CACNA2D4: variants seen among roughly 807,000 people sequenced by gnomAD.
The protein encoded by CACNA2D4 is voltage-dependent calcium channel subunit alpha-2/delta-4.
In CACNA2D4, 157 loss-of-function variants were observed where a neutral mutation model predicts 163.8. The observed-to-expected ratio is 0.96, with a 90% CI of 0.84 to 1.09. The LOEUF is 1.09. Ranked by LOEUF, CACNA2D4 falls within the 50% of genes least tolerant of loss-of-function variation. The pLI, the probability that CACNA2D4 is intolerant of heterozygous loss-of-function variation, is 0.00. For missense variants in CACNA2D4, 1,410 were observed against 1,479.9 expected, an observed-to-expected ratio of 0.95 and a Z score of 0.78; for synonymous variants, 598 against 586.9, an observed-to-expected ratio of 1.02 and a Z score of -0.27.
intron 26 of CACNA2D4, chr12:1,831,251 C>T: frequency 1.2e-6 from 2 of 1,613,836 alleles, no homozygotes; most frequent in Non-Finnish European, 8.5e-7. Context: ...ATAACAGCAT[C>T]AGGACCCTGG....
chr12:1,831,352 G>A (rs770137250), intron 26 of CACNA2D4: 2 of 1,613,874 alleles, frequency 1.2e-6, no homozygotes, highest in Non-Finnish European at 1.7e-6. Flanking sequence ...CTTTTCGACG[G>A]GCTCCTGGCT....
chr12:1,828,339 C>A lies in CACNA2D4; in HGVS notation c.2551+12400G>T, dbSNP rs1462072074. 7.0e-6 allele frequency: 6 copies of A among 853,704 alleles called. No homozygotes were observed. The highest frequency in any genetic ancestry group is 1.8e-5 in the African/African-American group (1 of 56,880). 52.9% of individuals were successfully genotyped at this position (853,704 alleles called of 1,614,324 possible). A position where few individuals can be genotyped will look rare whatever the true frequency, so the allele number is the denominator to read the frequency against. Reference sequence around the variant, plus strand: ...GCAGGGAGGCCTACGCCAGATCTTCCTGGGGTACCCGAGGCTATGTTCTGG... The same window carrying A: ...GCAGGGAGGCCTACGCCAGATCTTCATGGGGTACCCGAGGCTATGTTCTGG... On this transcript the variant is annotated intron_variant, in intron 26 of 37. Transcript: ENST00000382722. The surrounding 1 kb of genome is among the most constrained non-coding windows in gnomAD (Gnocchi z 4.2).
At position 1,828,396 on chromosome 12, in the gene CACNA2D4, C is replaced by G. The variant is rs1864456950; in HGVS notation, c.2551+12343G>C. ...AGGGTCACGCCCACGGTGACAGCAT[C>G]CCTGCCAGTCAGAGTCACCGCTGAG... On this transcript the variant is annotated intron_variant, in intron 26 of 37. Transcript: ENST00000382722. The surrounding 1 kb of genome is among the most constrained non-coding windows in gnomAD (Gnocchi z 4.2). Among the ~76,000 whole-genome samples the G allele has an allele frequency of 6.6e-6, 1 of 152,216 alleles. No individual in the cohort carries two copies. Among genetic ancestry groups the G allele is most frequent in the African/African-American group, 2.4e-5 (1 of 41,460 alleles).
At chr12:1,809,748 C>T (rs749917760) in intron 29 of CACNA2D4, among the ~76,000 whole-genome samples, 1 of 152,260 alleles carries the variant, frequency 6.6e-6, no homozygotes, top group Non-Finnish European at 1.5e-5. Flanking sequence ...GCATCGCGTC[C>T]ATCCCCCATT....
In CACNA2D4 at chr12:1,917,650, T is replaced by C. The variant is rs781605895; in HGVS notation, c.227+597A>G. Among the ~76,000 whole-genome samples, 4 of 152,146 alleles carry C rather than the reference T, an allele frequency of 2.6e-5. No homozygotes were observed. Among genetic ancestry groups the C allele is most frequent in the African/African-American group, 9.7e-5 (4 of 41,434 alleles). On this transcript the variant is annotated intron_variant, in intron 1 of 37. Coordinates refer to ENST00000382722, the MANE Select transcript of CACNA2D4 (RefSeq NM_172364.5). This position sits in a 1 kb window ranked among gnomAD's most constrained non-coding sequence, Gnocchi z 4.3. The stretch of plus-strand genomic sequence containing the variant: ...GTGCACATGACTGATACCGGGTTCT[T>C]TCCTGGAGCCGGTCTTAATGGCCGG...
intron 26 of CACNA2D4, chr12:1,831,584 C>G (rs1864633743): frequency 7.2e-7 from 1 of 1,396,914 alleles, no homozygotes; most frequent in South Asian, 1.3e-5. Context: ...TCTGGCCCCA[C>G]ACTTTCCTCC....
At chr12:1,824,480 T>G (rs1356674694) in intron 26 of CACNA2D4, among the ~76,000 whole-genome samples, 1 of 152,186 alleles carries the variant, frequency 6.6e-6, no homozygotes, top group Non-Finnish European at 1.5e-5. Context: ...TGGCTCTCTC[T>G]GGAAGGGAGG....
intron 6 of CACNA2D4, among the ~76,000 whole-genome samples, chr12:1,904,460 A>G (rs747948439): frequency 6.6e-6 from 1 of 152,068 alleles, no homozygotes; most frequent in Non-Finnish European, 1.5e-5. Context: ...GTATGCCTAT[A>G]TCAAAATATC....
intron 2 of CACNA2D4, 69 bp from the exon 3 acceptor site, chr12:1,913,208 A>G (rs1285577800): frequency 1.0e-5 from 11 of 1,057,324 alleles, no homozygotes; most frequent in Non-Finnish European, 1.6e-5. Flanking sequence ...CTGTGTATGC[A>G]TGGCCTCCAA....
At chr12:1,813,626 G>A (rs1281926053) in intron 26 of CACNA2D4, among the ~76,000 whole-genome samples, 1 of 152,194 alleles carries the variant, frequency 6.6e-6, no homozygotes, top group African/African-American at 2.4e-5. Context: ...TGAAGAAACC[G>A]AGGCTTTGAG....
At chr12:1,837,132 C>T (rs141600152) in intron 26 of CACNA2D4, among the ~76,000 whole-genome samples, 9 of 152,346 alleles carry the variant, frequency 5.9e-5, no homozygotes, top group Admixed American at 1.3e-4. Flanking sequence ...GGGTGCTGCT[C>T]ATCCACCCAA....
rs897682796 is a variant in CACNA2D4 at position 1,801,486 on chromosome 12, C to T, written c.2792+88G>A. 3 of 1,138,246 alleles carry T rather than the reference C, an allele frequency of 2.6e-6. No individual in the cohort carries two copies. In the African/African-American group the frequency reaches 4.6e-5, roughly 18 times the overall value. The allele number at this position is 1,138,246 out of a possible 1,614,324, so 70.5% of individuals were successfully genotyped here. On this transcript the variant is annotated intron_variant, in intron 30 of 37. Transcript: ENST00000382722. ...GGCACCCACTGTGGGTTTTGGAGGT[C>T]AGGATCCTGAGATCCGCCAGGACCA...
intron 37 of CACNA2D4, among the ~76,000 whole-genome samples, chr12:1,794,704 G>A (rs189825958): frequency 2.9e-4 from 44 of 152,302 alleles, no homozygotes; most frequent in African/African-American, 1.0e-3. Context: ...CACGGGGTAC[G>A]CAGAGCTCCC....
intron 2 of CACNA2D4, 143 bp from the exon 3 acceptor site, chr12:1,913,282 C>T (rs1239442124): frequency 5.5e-5 from 37 of 669,292 alleles, no homozygotes. Context: ...AGGCCCAGCC[C>T]TCTCCTCCCT....
At chr12:1,848,383 CA>C (rs1245333295) in intron 23 of CACNA2D4, among the ~76,000 whole-genome samples, 3 of 152,226 alleles carry the variant, frequency 2.0e-5, no homozygotes, top group African/African-American at 7.2e-5. Flanking sequence ...GTGTCCCCTG[CA>C]TTGCCTGTCA....
intron 23 of CACNA2D4, among the ~76,000 whole-genome samples, chr12:1,847,588 C>T (rs1200742301): frequency 2.0e-5 from 3 of 152,164 alleles, no homozygotes; most frequent in Non-Finnish European, 4.4e-5. Context: ...TCATAGGACT[C>T]GAGCTGCACA....
chr12:1,847,794 G>A (rs1865182910), intron 23 of CACNA2D4, among the ~76,000 whole-genome samples: 2 of 152,030 alleles, frequency 1.3e-5, no homozygotes, highest in Admixed American at 6.6e-5. Context: ...CCCTCAACTA[G>A]ATTATTTTGA....
intron 37 of CACNA2D4, among the ~76,000 whole-genome samples, chr12:1,794,202 G>T (rs538315889): frequency 6.6e-6 from 1 of 152,196 alleles, no homozygotes; most frequent in Non-Finnish European, 1.5e-5. Context: ...TAGCGGGAAT[G>T]AGGACAAGAT....
chr12:1,809,701 G>C, intron 29 of CACNA2D4: 1 of 619,810 alleles, frequency 1.6e-6, no homozygotes, highest in Non-Finnish European at 2.9e-6. Context: ...GGCGGGGGGA[G>C]GATTAGGATG....
Sources: allele counts gnomAD v4.1 joint callset (sites outside exome capture counted in the v4.1 genomes callset), GRCh38; gene constraint gnomAD v4.1.1; non-coding constraint Gnocchi (gnomAD v3.1); transcripts MANE v1.5; gene names NCBI Gene and HGNC (gene_info 2026-07-23, HGNC 2026-07-21).